Variants in EPG5 observed in about 807,000 individuals in gnomAD.
EPG5 encodes ectopic P granules protein 5 homolog.
Under a neutral mutation model 302.7 loss-of-function variants are expected in EPG5, and 159 were observed. The observed-to-expected ratio is 0.53, with a 90% confidence interval of 0.46 to 0.60. EPG5 has a LOEUF of 0.60. Among genes scored for constraint, EPG5 ranks in the 20% least tolerant of loss-of-function variants. The probability of loss-of-function intolerance (pLI) is 0.00; values close to 1 mark genes in which losing one functional copy is unlikely to be tolerated. For missense variants in EPG5, 2,896 were observed against 3,092.4 expected (o/e 0.94, Z 1.51); for synonymous variants, 1,158 against 1,136.8 (o/e 1.02, Z -0.37).
intron 34 of EPG5, among the ~76,000 whole-genome samples, 197 bp downstream of exon 34, chr18:45,878,174 CAAGAT>C (rs2049012968): frequency 1.3e-5 from 2 of 152,112 alleles, no homozygotes; most frequent in South Asian, 4.1e-4. Context: ...AAATTATTAT[CAAGAT>C]AATATCTCTG....
At position 45,915,455 on chromosome 18, in the gene EPG5, A is replaced by G. The variant is rs2050007020; in HGVS notation, c.3693+56T>C. The G allele has an allele frequency of 4.9e-6, 6 of 1,219,576 alleles. No homozygotes were observed. The South Asian group carries it at 7.5e-5, about 15-fold the overall frequency. 75.5% of individuals were successfully genotyped at this position (1,219,576 alleles called of 1,614,324 possible). Reference sequence around the variant, plus strand: ...AATTAGTAATTTCTTTGTAAGGATGATCATGAGATTAAAGTTCACAAAGAT... The same window carrying G: ...AATTAGTAATTTCTTTGTAAGGATGGTCATGAGATTAAAGTTCACAAAGAT... On this transcript the variant is annotated intron_variant, in intron 20 of 43. Coordinates refer to ENST00000282041, the MANE Select transcript of EPG5 (RefSeq NM_020964.3).
the EPG5 span, among the ~76,000 whole-genome samples, chr18:45,817,510 G>C: frequency 5.3e-5 from 8 of 152,198 alleles, no homozygotes; most frequent in African/African-American, 1.9e-4. Flanking sequence ...GCTGGGCCCA[G>C]GGTATCTCAT....
the EPG5 span, among the ~76,000 whole-genome samples, chr18:45,818,527 T>C: frequency 6.6e-6 from 1 of 152,156 alleles, no homozygotes; most frequent in Non-Finnish European, 1.5e-5. Flanking sequence ...GTGAAACAGG[T>C]ATTTCATCAT....
Position 45,860,330 on chromosome 18 carries a change from G to A in EPG5, c.6783C>T (p.Thr2261=), listed in dbSNP as rs1363843098. 1.2e-6 allele frequency: 2 copies of A among 1,614,128 alleles called. No individual in the cohort carries two copies. The highest frequency in any genetic ancestry group is 2.7e-5 in the African/African-American group (2 of 74,946). The change falls in exon 40 of 44, where the codon ACC becomes ACT. Residue 2261 remains threonine, a synonymous_variant. Coordinates refer to ENST00000282041, the MANE Select transcript of EPG5 (RefSeq NM_020964.3). ...VFNPPDMDSQ[T]RHMALSSLFM... is the part of the protein sequence containing the mutation. ...AGAGGCTGCTGAGGGCCATGTGGCG[G>A]GTCTGGCTGTCCATGTCTGAAAGGA...
chr18:45,897,598 G>A (rs2049507872), intron 27 of EPG5, among the ~76,000 whole-genome samples: 1 of 152,150 alleles, frequency 6.6e-6, no homozygotes, highest in South Asian at 2.1e-4. Flanking sequence ...AAAACCAACT[G>A]TATAAAGCAC....
Position 45,925,896 on chromosome 18 carries a change from G to A in EPG5, c.2560C>T (p.Leu854=). 1.4e-6 allele frequency: 2 copies of A among 1,416,300 alleles called. No individual in the cohort carries two copies. The highest frequency in any genetic ancestry group is 1.9e-6 in the Non-Finnish European group (2 of 1,077,360). The allele number at this position is 1,416,300 out of a possible 1,614,324, so 87.7% of individuals were successfully genotyped here. A position where few individuals can be genotyped will look rare whatever the true frequency, so the allele number is the denominator to read the frequency against. Residue 854 remains leucine (L), a synonymous_variant, in exon 14 of 44, where the codon CTA becomes TTA. Transcript: ENST00000282041. The part of the protein sequence containing the change: ...ETIDQVGMVS[L]YLFKELPLYL... ...AAAGGCAGTTCTTTAAACAAGTATAGAGAAACCTTATTAAAAAGAAAACAA... is the reference window on the plus strand; with the variant it reads ...AAAGGCAGTTCTTTAAACAAGTATAAAGAAACCTTATTAAAAAGAAAACAA...
intron 25 of EPG5, 59 bp downstream of exon 25, chr18:45,903,914 T>C (rs2049684335): frequency 1.6e-5 from 25 of 1,517,368 alleles, no homozygotes; most frequent in Admixed American, 2.4e-5. Flanking sequence ...CAACCCTCAA[T>C]GGCTCTGATT....
At chr18:45,955,418 T>C in intron 1 of EPG5, 80 bp from the exon 2 acceptor site, 1 of 1,016,298 alleles carries the variant, frequency 9.8e-7, no homozygotes. Context: ...AAGTTGCACA[T>C]AAAATCTAAA....
the EPG5 span, among the ~76,000 whole-genome samples, chr18:45,828,728 G>A: frequency 6.6e-6 from 1 of 152,164 alleles, no homozygotes; most frequent in African/African-American, 2.4e-5. Context: ...CACCTCTCCC[G>A]CACCCTCCTG....
intron 21 of EPG5, 68 bp downstream of exon 21, chr18:45,913,638 G>C: frequency 6.4e-7 from 1 of 1,573,510 alleles, no homozygotes; most frequent in Middle Eastern, 1.7e-4. Context: ...CAAAAGCTAC[G>C]GGTGAATCCA....
At chr18:45,903,252 GA>G (rs887584717) in intron 25 of EPG5, among the ~76,000 whole-genome samples, 4 of 151,428 alleles carry the variant, frequency 2.6e-5, no homozygotes, top group South Asian at 2.1e-4. Context: ...TTTATAATCA[GA>G]AAAAAAATTA....
At chr18:45,845,841 T>C (rs2048358881), downstream of EPG5, among the ~76,000 whole-genome samples, 2 of 152,078 alleles carry the variant, frequency 1.3e-5, no homozygotes, top group Non-Finnish European at 1.5e-5. Context: ...ACCTGGGTGA[T>C]CTCCTGGGTC....
chr18:45,820,637 C>T, the EPG5 span, among the ~76,000 whole-genome samples: 2 of 152,080 alleles, frequency 1.3e-5, no homozygotes, highest in Admixed American at 1.3e-4. Context: ...GTTCCACGGA[C>T]CTGAGCCAGC....
Position 45,952,576 on chromosome 18 carries a change from T to C in EPG5, c.1076A>G (p.Asn359Ser), listed in dbSNP as rs1339528715. 2 of 1,614,054 alleles carry C rather than the reference T, an allele frequency of 1.2e-6. No individual in the cohort carries two copies. Among genetic ancestry groups the C allele is most frequent in the Non-Finnish European group, 1.7e-6 (2 of 1,180,040 alleles). The change falls in exon 3 of 44, where the codon AAT (asparagine) becomes AGT (serine). Residue 359 changes from asparagine to serine, a missense_variant. Coordinates refer to ENST00000282041, the MANE Select transcript of EPG5 (RefSeq NM_020964.3). ...HRYQRVEMNE[N>S]ALVELKKLFD... ...TAGCTTCTTTAGCTCCACCAGTGCATTTTCATTCATTTCTACTCTTTGGTA... is the reference window on the plus strand; with the variant it reads ...TAGCTTCTTTAGCTCCACCAGTGCACTTTCATTCATTTCTACTCTTTGGTA...
rs149274108 is a variant in EPG5 at position 45,916,378 on chromosome 18, C to T, written c.3384+60G>A. 23 of 1,586,732 alleles carry T rather than the reference C, an allele frequency of 1.4e-5. No individual in the cohort carries two copies. The African/African-American group carries it at 2.0e-4, about 14-fold the overall frequency. ...TGACTAAAACCTAAGTGTGCTAACGCTAGAGGTCTTGGTTGGGAAGACAGG... is the reference window on the plus strand; with the variant it reads ...TGACTAAAACCTAAGTGTGCTAACGTTAGAGGTCTTGGTTGGGAAGACAGG... On this transcript the variant is annotated intron_variant, in intron 18 of 43. Coordinates refer to ENST00000282041, the MANE Select transcript of EPG5 (RefSeq NM_020964.3).
intron 26 of EPG5, 121 bp from the exon 27 acceptor site, chr18:45,899,687 A>T: frequency 1.0e-6 from 1 of 986,648 alleles, no homozygotes; most frequent in Non-Finnish European, 1.5e-6. Context: ...AAACCATAGT[A>T]ACAGAGGACC....
chr18:45,879,388 G>A (rs982916915), intron 32 of EPG5, among the ~76,000 whole-genome samples, 174 bp from the exon 33 acceptor site: 7 of 152,168 alleles, frequency 4.6e-5, no homozygotes, highest in Non-Finnish European at 7.4e-5. Context: ...TTTGTTTTGA[G>A]GTAGAGTCTT....
chr18:45,827,120 T>C, the EPG5 span, among the ~76,000 whole-genome samples: 1 of 152,338 alleles, frequency 6.6e-6, no homozygotes, highest in East Asian at 1.9e-4. Context: ...TTTGCCACGT[T>C]GTCCAGCCTG....
At chr18:45,805,703 C>T in the EPG5 span, among the ~76,000 whole-genome samples, 2 of 152,052 alleles carry the variant, frequency 1.3e-5, no homozygotes, top group Non-Finnish European at 2.9e-5. Flanking sequence ...TATGCAATGC[C>T]ATGCCAGAAA....
Sources: allele counts gnomAD v4.1 joint callset (sites outside exome capture counted in the v4.1 genomes callset), GRCh38; gene constraint gnomAD v4.1.1; transcripts MANE v1.5; gene names NCBI Gene and HGNC (gene_info 2026-07-23, HGNC 2026-07-21).